Variants in FNDC3B observed in about 807,000 individuals in gnomAD.
FNDC3B encodes the protein fibronectin type III domain-containing protein 3B.
In FNDC3B, 12 loss-of-function variants were observed where a neutral mutation model predicts 151.5. The ratio of observed to expected loss-of-function variants is 0.08; its 90% CI spans 0.05 to 0.13. FNDC3B has a LOEUF of 0.13. Among genes scored for constraint, FNDC3B ranks in the 10% least tolerant of loss-of-function variants. FNDC3B has a pLI of 1.00. For missense variants in FNDC3B, 1,214 were observed against 1,505.3 expected, an observed-to-expected ratio of 0.81 and a Z score of 3.20; for synonymous variants, 528 against 549.0, an observed-to-expected ratio of 0.96 and a Z score of 0.54.
chr3:172,340,493 C>T (rs1733247794), intron 16 of FNDC3B, among the ~76,000 whole-genome samples: 1 of 152,088 alleles, frequency 6.6e-6, no homozygotes, highest in South Asian at 2.1e-4. Flanking sequence ...GCCAGGTTGG[C>T]CAGACTGGTC....
At chr3:172,078,489 C>T (rs903470113) in intron 1 of FNDC3B, among the ~76,000 whole-genome samples, 1 of 151,898 alleles carries the variant, frequency 6.6e-6, no homozygotes, top group African/African-American at 2.4e-5. Context: ...GAATGTAGGT[C>T]GCTGCATCAG....
chr3:172,048,471 T>C (rs912461576), intron 1 of FNDC3B, among the ~76,000 whole-genome samples: 1 of 152,184 alleles, frequency 6.6e-6, no homozygotes. Context: ...AATACTTAAA[T>C]ATATTGAGCT....
At chr3:172,234,773 A>G (rs951060055) in intron 4 of FNDC3B, among the ~76,000 whole-genome samples, 1 of 152,212 alleles carries the variant, frequency 6.6e-6, no homozygotes, top group Admixed American at 6.5e-5. Context: ...ATTATAATCT[A>G]TCTTTCTAAA....
At chr3:172,088,030 A>C (rs1164870999) in intron 1 of FNDC3B, among the ~76,000 whole-genome samples, 1 of 152,204 alleles carries the variant, frequency 6.6e-6, no homozygotes, top group Non-Finnish European at 1.5e-5. Flanking sequence ...TTTTCAGAGT[A>C]AGTCATATGC....
At chr3:172,317,308 C>G in intron 11 of FNDC3B, 1 of 321,778 alleles carries the variant, frequency 3.1e-6, no homozygotes, top group Non-Finnish European at 6.1e-6. Flanking sequence ...CTCAGCCTCC[C>G]GAGTAACTGG....
In FNDC3B at chr3:172,083,497, T is replaced by C. The variant is rs536841099; in HGVS notation, c.-28-28955T>C. Among the ~76,000 whole-genome samples the C allele has an allele frequency of 6.6e-5, 10 of 152,340 alleles. No homozygotes were observed. The East Asian group carries it at 1.7e-3, about 26-fold the overall frequency. ...ACATTGCTCACTGCAAACATAACTT[T>C]GAGAAATGGCCTTGATACAAAATGG... On this transcript the variant is annotated intron_variant, in intron 1 of 25. Coordinates refer to ENST00000415807, the MANE Select transcript of FNDC3B (RefSeq NM_022763.4).
At chr3:172,236,233 T>C (rs1375021413) in intron 4 of FNDC3B, among the ~76,000 whole-genome samples, 2 of 152,210 alleles carry the variant, frequency 1.3e-5, no homozygotes, top group Non-Finnish European at 2.9e-5. Context: ...GATTTTTGAT[T>C]TTTGAATTTG....
chr3:172,392,810 C>CTTTTTTTTTTTTTTTTTTTTTT lies in FNDC3B; in HGVS notation c.3304-4342_3304-4341insTTTTTTTTTTTTTTTTTTTTTT, dbSNP rs1167627679. 5.6e-4 allele frequency among the ~76,000 whole-genome samples: 56 copies of CTTTTTTTTTTTTTTTTTTTTTT among 99,874 alleles called. 2 individuals are homozygous for CTTTTTTTTTTTTTTTTTTTTTT. The highest frequency in any genetic ancestry group is 6.9e-4 in the Non-Finnish European group (37 of 53,812). The allele number at this position is 99,874 out of a possible 152,430, so 65.5% of individuals were successfully genotyped here. A position where few individuals can be genotyped will look rare whatever the true frequency, so the allele number is the denominator to read the frequency against. On this transcript the variant is annotated intron_variant, in intron 25 of 25. Transcript: ENST00000415807. ...GAATGAATTTTTTCTTTTTTTTTTTCTTTTTTTTTTTTCAGACAGAGAGTA... is the reference window on the plus strand; with the variant it reads ...GAATGAATTTTTTCTTTTTTTTTTTCTTTTTTTTTTTTTTTTTTTTTTTTTTTTTTTTTTCAGACAGAGAGTA...
Position 172,352,682 on chromosome 3 carries a change from T to C in FNDC3B, c.2515-121T>C. The C allele has an allele frequency of 5.9e-6, 6 of 1,015,464 alleles. No homozygotes were observed. Among genetic ancestry groups the C allele is most frequent in the Non-Finnish European group, 8.5e-6 (6 of 706,696 alleles). 62.9% of individuals were successfully genotyped at this position (1,015,464 alleles called of 1,614,324 possible). The stretch of plus-strand genomic sequence containing the variant: ...GATAGTAGACATTTTCTAGGATTTA[T>C]TTCTACCTGCATATGTGGAAATGTG... On this transcript the variant is annotated intron_variant, in intron 21 of 25. Transcript: ENST00000415807. The surrounding 1 kb of genome is among the most constrained non-coding windows in gnomAD (Gnocchi z 4.2).
intron 3 of FNDC3B, among the ~76,000 whole-genome samples, chr3:172,149,836 T>TGA (rs1413239837): frequency 1.4e-5 from 1 of 71,114 alleles, no homozygotes; most frequent in Non-Finnish European, 2.8e-5. Context: ...TTTTTTTTTT[T>TGA]GAGACAGAGT....
intron 15 of FNDC3B, 46 bp downstream of exon 15, chr3:172,335,128 TGATA>T (rs1732896179): frequency 6.6e-7 from 1 of 1,508,716 alleles, no homozygotes; most frequent in Admixed American, 2.4e-5. Context: ...TTTTTTCTTT[TGATA>T]GATTTTTAAA....
At chr3:172,386,834 T>C (rs574398824) in intron 25 of FNDC3B, among the ~76,000 whole-genome samples, 1 of 151,966 alleles carries the variant, frequency 6.6e-6, no homozygotes, top group Admixed American at 6.6e-5. Context: ...TATTTCTGTA[T>C]CAATATATTT....
In FNDC3B at chr3:172,112,610, A is replaced by C; in HGVS notation, c.111+20A>C. On this transcript the variant is annotated intron_variant, in intron 2 of 25. Coordinates refer to ENST00000415807, the MANE Select transcript of FNDC3B (RefSeq NM_022763.4). ...CAGCAGGTTGGTGTAGGAAGAGGGAAATTTAAGTCAAATTGTCTAAGTGGG... is the reference window on the plus strand; with the variant it reads ...CAGCAGGTTGGTGTAGGAAGAGGGACATTTAAGTCAAATTGTCTAAGTGGG... 6.7e-7 allele frequency: 1 copy of C among 1,496,724 alleles called. No individual in the cohort carries two copies. The highest frequency in any genetic ancestry group is 1.7e-4 in the Middle Eastern group (1 of 5,888). The allele number at this position is 1,496,724 out of a possible 1,614,324, so 92.7% of individuals were successfully genotyped here.
intron 5 of FNDC3B, among the ~76,000 whole-genome samples, chr3:172,250,062 A>T (rs1278608172): frequency 6.6e-6 from 1 of 152,114 alleles, no homozygotes; most frequent in East Asian, 1.9e-4. Flanking sequence ...TTTTCTTATA[A>T]AGATGTAAGG....
Position 172,378,725 on chromosome 3 carries a change from G to A in FNDC3B, c.3175+289G>A, listed in dbSNP as rs1735282168. Among the ~76,000 whole-genome samples the A allele has an allele frequency of 5.3e-5, 8 of 152,280 alleles. No homozygotes were observed. In the South Asian group the frequency reaches 1.7e-3, roughly 32 times the overall value. On this transcript the variant is annotated intron_variant, in intron 24 of 25. Transcript: ENST00000415807. ...GCAACCCTTAAGACAGTTTACCAAG[G>A]AAGGCGTCAGACTCCCCTTTCCTAG...
At chr3:172,048,569 G>A (rs1249780257) in intron 1 of FNDC3B, among the ~76,000 whole-genome samples, 1 of 152,158 alleles carries the variant, frequency 6.6e-6, no homozygotes, top group African/African-American at 2.4e-5. Flanking sequence ...TTTACACATA[G>A]AATTACTATA....
chr3:172,084,140 G>C (rs1404841653), intron 1 of FNDC3B, among the ~76,000 whole-genome samples: 1 of 152,008 alleles, frequency 6.6e-6, no homozygotes, highest in Non-Finnish European at 1.5e-5. Flanking sequence ...AGGATCAAAG[G>C]GCTTGGGACG....
rs530105402 is a variant in FNDC3B at position 172,306,344 on chromosome 3, G to C, written c.1062-1019G>C. ...ATACCATTGATCCAAATTTCTAACTGTGTGGCCTTGGGAAATGTACTTCAT... is the reference window on the plus strand; with the variant it reads ...ATACCATTGATCCAAATTTCTAACTCTGTGGCCTTGGGAAATGTACTTCAT... On this transcript the variant is annotated intron_variant, in intron 9 of 25. Transcript: ENST00000415807. Among the ~76,000 whole-genome samples, 4 of 152,304 alleles carry C rather than the reference G, an allele frequency of 2.6e-5. No homozygotes were observed. The South Asian group carries it at 8.3e-4, about 32-fold the overall frequency.
In FNDC3B at chr3:172,318,226, G is replaced by A. The variant is rs533550568; in HGVS notation, c.1254+7345G>A. ...GGAAGCATAATTAAAAGTTGAGAGA[G>A]GAGAAAAGGCCAGCAGCCGGTAGAA... is the stretch of plus-strand genomic sequence containing the variant. On this transcript the variant is annotated intron_variant, in intron 11 of 25. Coordinates refer to ENST00000415807, the MANE Select transcript of FNDC3B (RefSeq NM_022763.4). Among the ~76,000 whole-genome samples, 149 of 152,340 alleles carry A rather than the reference G, an allele frequency of 9.8e-4. 1 individual carries two copies. The highest frequency in any genetic ancestry group is 1.8e-3 in the Admixed American group (28 of 15,300).
Sources: gnomAD v4.1 joint callset for allele counts (sites outside exome capture counted in the v4.1 genomes callset) on GRCh38, gnomAD v4.1.1 for gene constraint, Gnocchi (gnomAD v3.1) non-coding constraint, MANE v1.5 for transcripts, NCBI Gene and HGNC (gene_info 2026-07-23, HGNC 2026-07-21) for gene names.